SLC25A21: variants seen among roughly 807,000 people sequenced by gnomAD.
The protein encoded by SLC25A21 is mitochondrial 2-oxodicarboxylate carrier.
SLC25A21 carries 47 observed loss-of-function variants against 43.8 expected under a neutral mutation model. That is an observed-to-expected ratio of 1.07 (90% CI 0.85 to 1.37). SLC25A21 has a LOEUF of 1.37. Ranked by LOEUF, SLC25A21 falls within the 40% of genes most tolerant of loss-of-function variation. SLC25A21 has a pLI of 0.00. For missense variants in SLC25A21, 352 were observed against 350.2 expected, an observed-to-expected ratio of 1.00 and a Z score of -0.04; for synonymous variants, 131 against 121.3, an observed-to-expected ratio of 1.08 and a Z score of -0.52.
At chr14:36,925,156 G>A (rs1416585468) in intron 1 of SLC25A21, among the ~76,000 whole-genome samples, 1 of 151,970 alleles carries the variant, frequency 6.6e-6, no homozygotes, top group Non-Finnish European at 1.5e-5. Flanking sequence ...AGAATGCAAG[G>A]ATAGGGGGAA....
intron 1 of SLC25A21, among the ~76,000 whole-genome samples, chr14:37,103,186 C>T (rs1962849112): frequency 6.6e-6 from 1 of 152,126 alleles, no homozygotes; most frequent in African/African-American, 2.4e-5. Flanking sequence ...TATTTTATCG[C>T]ACCTTCACTG....
At chr14:37,137,094 G>A (rs918865047) in intron 1 of SLC25A21, among the ~76,000 whole-genome samples, 3 of 152,148 alleles carry the variant, frequency 2.0e-5, no homozygotes, top group Non-Finnish European at 2.9e-5. Flanking sequence ...TCCGCCTTCC[G>A]GGTTCACGCC....
intron 1 of SLC25A21, among the ~76,000 whole-genome samples, chr14:37,014,447 C>A (rs1226226924): frequency 1.3e-5 from 2 of 152,144 alleles, no homozygotes; most frequent in Non-Finnish European, 2.9e-5. Context: ...TAAGAAGCAA[C>A]TTACTATCCA....
rs1388026242 is a variant in SLC25A21, at chr14:36,678,983, C to CTCTA, written c.*1671_*1674dup. 4.1e-6 allele frequency: 4 copies of CTCTA among 979,960 alleles called. No homozygotes were observed. Among genetic ancestry groups the CTCTA allele is most frequent in the South Asian group, 4.8e-5 (1 of 21,044 alleles). 60.7% of individuals were successfully genotyped at this position (979,960 alleles called of 1,614,324 possible). A position where few individuals can be genotyped will look rare whatever the true frequency, so the allele number is the denominator to read the frequency against. ...TTATTGGTTAATGTTGACATATTTC[C>CTCTA]TCTATCTCATAGATGGTAAAAGTGT... On this transcript the variant is annotated 3_prime_UTR_variant, in exon 10 of 10. Transcript: ENST00000331299.
chr14:36,910,441 C>T (rs1891656788), intron 1 of SLC25A21, among the ~76,000 whole-genome samples: 1 of 152,060 alleles, frequency 6.6e-6, no homozygotes, highest in Non-Finnish European at 1.5e-5. Context: ...AAAGGGAGAA[C>T]TCTTGCACCA....
intron 7 of SLC25A21, among the ~76,000 whole-genome samples, chr14:36,707,823 T>C (rs566417362): frequency 5.3e-5 from 8 of 152,336 alleles, no homozygotes; most frequent in Non-Finnish European, 7.4e-5. Context: ...TATTCAACTT[T>C]CACTTTTTAA....
intron 1 of SLC25A21, among the ~76,000 whole-genome samples, chr14:36,960,016 T>C (rs913395241): frequency 6.6e-6 from 1 of 152,188 alleles, no homozygotes; most frequent in African/African-American, 2.4e-5. Context: ...TGCTTCTCTG[T>C]AGGACTGTTC....
In SLC25A21 at chr14:37,167,356, G is replaced by A. The variant is rs184967091; in HGVS notation, c.70+4925C>T. Among the ~76,000 whole-genome samples the A allele has an allele frequency of 2.9e-4, 44 of 152,234 alleles. 1 individual carries two copies. The East Asian group carries it at 7.9e-3, about 27-fold the overall frequency. On this transcript the variant is annotated intron_variant, in intron 1 of 9. Transcript: ENST00000331299. ...GGGCCCTTCCAAAAACGCAGATTCCGATATGGTAGTGAAACTGCCATTGCA... is the reference window on the plus strand; with the variant it reads ...GGGCCCTTCCAAAAACGCAGATTCCAATATGGTAGTGAAACTGCCATTGCA...
At position 36,887,978 on chromosome 14, in the gene SLC25A21, C is replaced by T. The variant is rs573993801; in HGVS notation, c.71-12974G>A. On this transcript the variant is annotated intron_variant, in intron 1 of 9. Coordinates refer to ENST00000331299, the MANE Select transcript of SLC25A21 (RefSeq NM_030631.4). Reference sequence around the variant, plus strand: ...TGACTCTCACAGGCCAGGGTGTATGCCACACTTTCTCACTTGCATTCAGCG... The same window carrying T: ...TGACTCTCACAGGCCAGGGTGTATGTCACACTTTCTCACTTGCATTCAGCG... 1.8e-4 allele frequency among the ~76,000 whole-genome samples: 28 copies of T among 152,262 alleles called. No individual in the cohort carries two copies. In the East Asian group the frequency reaches 5.4e-3, roughly 29 times the overall value.
intron 3 of SLC25A21, among the ~76,000 whole-genome samples, chr14:36,766,825 T>G (rs1250422412): frequency 5.3e-5 from 8 of 152,180 alleles, no homozygotes; most frequent in Non-Finnish European, 1.2e-4. Context: ...AGACTGAATT[T>G]TCTTGTTTCT....
At chr14:36,943,670 C>T (rs80294112) in intron 1 of SLC25A21, among the ~76,000 whole-genome samples, 9,303 of 152,212 alleles carry the variant, frequency 0.061, 405 homozygotes, top group Middle Eastern at 0.15. Context: ...TTGTGAAAGT[C>T]TGGGGAAATG....
intron 1 of SLC25A21, among the ~76,000 whole-genome samples, chr14:37,002,112 T>A (rs1175306249): frequency 1.3e-5 from 2 of 152,108 alleles, no homozygotes; most frequent in African/African-American, 2.4e-5. Context: ...TTCTCCTCAA[T>A]GAGTTCACAG....
chr14:36,818,189 G>T (rs1408046499), intron 2 of SLC25A21, among the ~76,000 whole-genome samples: 2 of 152,160 alleles, frequency 1.3e-5, no homozygotes, highest in Non-Finnish European at 2.9e-5. Context: ...CTATTTATGG[G>T]TGGGAAATAG....
In SLC25A21 at chr14:36,684,782, G is replaced by C; in HGVS notation, c.747C>G (p.Thr249=). Residue 249 remains threonine, a synonymous_variant, in exon 8 of 10, where the codon ACC becomes ACG. Coordinates refer to ENST00000331299, the MANE Select transcript of SLC25A21 (RefSeq NM_030631.4). ...QPVPGEIKYR[T]CFKTMATVYQ... ...AGACTGTTGCCATTGTTTTAAAACA[G>C]GTTCTGTACTTGATCTCTCCAGGAA... is the stretch of plus-strand genomic sequence containing the variant. 6.2e-7 allele frequency: 1 copy of C among 1,611,454 alleles called. No homozygotes were observed. Among genetic ancestry groups the C allele is most frequent in the Non-Finnish European group, 8.5e-7 (1 of 1,179,076 alleles).
At chr14:36,864,762 T>C (rs945505164) in intron 2 of SLC25A21, among the ~76,000 whole-genome samples, 3 of 152,214 alleles carry the variant, frequency 2.0e-5, no homozygotes, top group Non-Finnish European at 2.9e-5. Flanking sequence ...ATTCTATCCA[T>C]GGTTAGAAAG....
At chr14:37,097,626 T>C (rs1009546750) in intron 1 of SLC25A21, among the ~76,000 whole-genome samples, 1 of 152,188 alleles carries the variant, frequency 6.6e-6, no homozygotes, top group African/African-American at 2.4e-5. Context: ...CTCACACCTG[T>C]AATCCCGGCA....
chr14:36,761,784 T>C (rs1168095808), intron 3 of SLC25A21, among the ~76,000 whole-genome samples: 1 of 152,222 alleles, frequency 6.6e-6, no homozygotes, highest in Non-Finnish European at 1.5e-5. Flanking sequence ...TATAAAGATA[T>C]GCATATTGAC....
At chr14:36,845,738 A>G (rs1296733526) in intron 2 of SLC25A21, among the ~76,000 whole-genome samples, 2 of 152,226 alleles carry the variant, frequency 1.3e-5, no homozygotes, top group Non-Finnish European at 2.9e-5. Context: ...TTCTTTTAAA[A>G]CAATTAGCTG....
intron 1 of SLC25A21, among the ~76,000 whole-genome samples, chr14:37,009,954 T>C (rs1960694486): frequency 6.6e-6 from 1 of 152,174 alleles, no homozygotes; most frequent in Non-Finnish European, 1.5e-5. Context: ...CAAATAATTG[T>C]CTAATCTAGG....
Sources: gnomAD v4.1 joint callset for allele counts (sites outside exome capture counted in the v4.1 genomes callset) on GRCh38, gnomAD v4.1.1 for gene constraint, MANE v1.5 for transcripts, NCBI Gene and HGNC (gene_info 2026-07-23, HGNC 2026-07-21) for gene names.